The following ATAD2 variants were observed in gnomAD, a reference collection of about 807,000 sequenced individuals.
The protein encoded by ATAD2 is ATPase family AAA domain containing 2, also known as ATPase family AAA domain-containing protein 2.
ATAD2 carries 62 observed loss-of-function variants against 168.9 expected under a neutral mutation model. The observed-to-expected ratio is 0.37, with a 90% CI of 0.30 to 0.45. The LOEUF (loss-of-function observed/expected upper bound fraction) is 0.45. Ranked by LOEUF, ATAD2 falls within the 20% of genes least tolerant of loss-of-function variation. The pLI is 1.00. For missense variants in ATAD2, 1,419 were observed against 1,667.8 expected, an observed-to-expected ratio of 0.85 and a Z score of 2.60; for synonymous variants, 613 against 571.6, an observed-to-expected ratio of 1.07 and a Z score of -1.03.
chr8:123,413,886 G>C (rs184262524), intron 1 of ATAD2, among the ~76,000 whole-genome samples: 1 of 152,108 alleles, frequency 6.6e-6, no homozygotes, highest in Non-Finnish European at 1.5e-5. Flanking sequence ...AAGACACTCA[G>C]TGACAAGAGT....
At chr8:123,378,721 A>AAG (rs1054588086) in intron 2 of ATAD2, among the ~76,000 whole-genome samples, 2 of 151,348 alleles carry the variant, frequency 1.3e-5, no homozygotes, top group African/African-American at 4.9e-5. Flanking sequence ...AAAAAAAAAA[A>AAG]AAAATCAAAA....
chr8:123,321,102 G>A lies in ATAD2; in HGVS notation c.*32C>T. 3 of 1,596,446 alleles carry A rather than the reference G, an allele frequency of 1.9e-6. No individual in the cohort carries two copies. The highest frequency in any genetic ancestry group is 2.6e-6 in the Non-Finnish European group (3 of 1,169,678). On this transcript the variant is annotated 3_prime_UTR_variant, in exon 28 of 28. Transcript: ENST00000287394. ...GACAAAAATGACTTAAATAGGAACT[G>A]AATATAAAGAATACTCGATACCATG...
At chr8:123,372,187 CAA>C (rs897153592) in intron 3 of ATAD2, among the ~76,000 whole-genome samples, 2 of 152,140 alleles carry the variant, frequency 1.3e-5, no homozygotes, top group Admixed American at 6.5e-5. Context: ...TACTCATCAA[CAA>C]AAAAGTGACC....
At chr8:123,325,296 T>TTA (rs1382378603) in intron 26 of ATAD2, among the ~76,000 whole-genome samples, 18 of 149,626 alleles carry the variant, frequency 1.2e-4, no homozygotes, top group African/African-American at 4.4e-4. Flanking sequence ...ATTTATTTAT[T>TTA]TTTTTTTTGA....
chr8:123,408,086 T>C (rs16898268), intron 1 of ATAD2, among the ~76,000 whole-genome samples: 3,979 of 152,296 alleles, frequency 0.026, 184 homozygotes, highest in African/African-American at 0.09. Context: ...GTTGCAAATG[T>C]GAGCTTACTT....
chr8:123,321,310 T>C, intron 27 of ATAD2, 135 bp from the exon 28 acceptor site: 1 of 755,618 alleles, frequency 1.3e-6, no homozygotes, highest in Non-Finnish European at 2.1e-6. Context: ...AAATAAACAT[T>C]CAGTTCAGTA....
chr8:123,323,314 C>T (rs1339560124), intron 26 of ATAD2, among the ~76,000 whole-genome samples: 1 of 152,172 alleles, frequency 6.6e-6, no homozygotes, highest in Admixed American at 6.5e-5. Context: ...AATTCTAAGT[C>T]TAGCCATAAG....
At chr8:123,399,328 A>G (rs1223169851), upstream of ATAD2, among the ~76,000 whole-genome samples, 1 of 152,162 alleles carries the variant, frequency 6.6e-6, no homozygotes, top group Non-Finnish European at 1.5e-5. Flanking sequence ...TATTCAGGAA[A>G]TTTTAATTGA....
intron 2 of ATAD2, among the ~76,000 whole-genome samples, chr8:123,378,011 C>T (rs1433172212): frequency 6.6e-6 from 1 of 152,134 alleles, no homozygotes; most frequent in Non-Finnish European, 1.5e-5. Context: ...TTTAAGTTCT[C>T]AGAGACAGTT....
chr8:123,340,856 T>G (rs1430325004), intron 19 of ATAD2, among the ~76,000 whole-genome samples: 1 of 152,132 alleles, frequency 6.6e-6, no homozygotes, highest in Non-Finnish European at 1.5e-5. Context: ...AAGAAAGATC[T>G]GGATAGTGGT....
At chr8:123,385,134 C>T (rs190621802) in intron 1 of ATAD2, among the ~76,000 whole-genome samples, 3 of 152,220 alleles carry the variant, frequency 2.0e-5, no homozygotes, top group African/African-American at 7.2e-5. Flanking sequence ...CTTTTGAGTA[C>T]CATTACAGCT....
intron 26 of ATAD2, among the ~76,000 whole-genome samples, chr8:123,325,529 G>A (rs893935704): frequency 2.0e-5 from 3 of 151,840 alleles, no homozygotes; most frequent in African/African-American, 4.8e-5. Context: ...CTCGTGATCC[G>A]CCCACCTCAG....
At chr8:123,407,609 A>C (rs1813084693) in intron 1 of ATAD2, among the ~76,000 whole-genome samples, 1 of 152,104 alleles carries the variant, frequency 6.6e-6, no homozygotes, top group South Asian at 2.1e-4. Context: ...CTGTAGTCCC[A>C]GCACTTTGGG....
rs768138782 is a variant in ATAD2 at position 123,325,875 on chromosome 8, T to C, written c.4002+18A>G. 2 of 1,612,888 alleles carry C rather than the reference T, an allele frequency of 1.2e-6. No homozygotes were observed. Among genetic ancestry groups the C allele is most frequent in the Admixed American group, 1.7e-5 (1 of 59,930 alleles). On this transcript the variant is annotated intron_variant, in intron 26 of 27. Coordinates refer to ENST00000287394, the MANE Select transcript of ATAD2 (RefSeq NM_014109.4). ...AGTAATCTGCAGAGTAAAAGCATTA[T>C]GATTTCAATTTACATACTTTTAATC...
At chr8:123,345,713 A>T (rs1423666950) in intron 18 of ATAD2, among the ~76,000 whole-genome samples, 1 of 152,154 alleles carries the variant, frequency 6.6e-6, no homozygotes, top group East Asian at 1.9e-4. Flanking sequence ...AACAAAAAAA[A>T]GTTAATATAC....
At chr8:123,334,126 CTTCTGAAATTCATATA>C in intron 23 of ATAD2, 58 bp downstream of exon 23, 3 of 1,541,074 alleles carry the variant, frequency 1.9e-6, no homozygotes, top group Non-Finnish European at 2.6e-6. Flanking sequence ...TTTTCAGATG[CTTCTGAAATTCATATA>C]TTCTGAAATT....
Position 123,349,405 on chromosome 8 carries a change from C to T in ATAD2, c.1686G>A (p.Leu562=), listed in dbSNP as rs1178472079. 6.2e-7 allele frequency: 1 copy of T among 1,613,984 alleles called. No individual in the cohort carries two copies. Among genetic ancestry groups the T allele is most frequent in the South Asian group, 1.1e-5 (1 of 91,068 alleles). ...TGACCACAATTTCCCCTCTGCTGTC[C>T]AATCCATCCATAAGAGCTAGCAGGG... ...VSTLLALMDG[L]DSRGEIVVIG... is the part of the protein sequence containing the mutation. The change falls in exon 14 of 28, where the codon TTG becomes TTA. Residue 562 remains leucine (L), a synonymous_variant. Coordinates refer to ENST00000287394, the MANE Select transcript of ATAD2 (RefSeq NM_014109.4).
intron 1 of ATAD2, among the ~76,000 whole-genome samples, chr8:123,394,639 A>G (rs78084114): frequency 1.3e-5 from 2 of 149,904 alleles, no homozygotes; most frequent in Non-Finnish European, 1.5e-5. Context: ...TGTCTCGAAG[A>G]AAAAAAAAAG....
intron 1 of ATAD2, among the ~76,000 whole-genome samples, chr8:123,388,635 C>T (rs948617502): frequency 1.5e-4 from 23 of 151,946 alleles, no homozygotes; most frequent in African/African-American, 5.1e-4. Flanking sequence ...CCACCTGCCT[C>T]GGCCTCCTAA....
Sources: allele counts gnomAD v4.1 joint callset (sites outside exome capture counted in the v4.1 genomes callset), GRCh38; gene constraint gnomAD v4.1.1; transcripts MANE v1.5; gene names NCBI Gene and HGNC (gene_info 2026-07-23, HGNC 2026-07-21).